Variants in PCP4L1 observed in about 807,000 individuals in gnomAD.
PCP4L1 encodes Purkinje cell protein 4-like protein 1.
In PCP4L1, 9 loss-of-function variants were observed where a neutral mutation model predicts 9.6. The ratio of observed to expected loss-of-function variants is 0.94; its 90% CI spans 0.57 to 1.64. PCP4L1 has a LOEUF of 1.64. Ranked by LOEUF, PCP4L1 falls within the 40% of genes most tolerant of loss-of-function variation. The probability of loss-of-function intolerance (pLI) is 0.00; values close to 1 mark genes in which losing one functional copy is unlikely to be tolerated. For synonymous variants in PCP4L1, 31 were observed against 28.2 expected (o/e 1.10, Z -0.31); for missense variants, 81 against 80.8 (o/e 1.00, Z -0.01).
chr1:161,278,060 C>T (rs1040039195), intron 1 of PCP4L1, among the ~76,000 whole-genome samples: 2 of 151,926 alleles, frequency 1.3e-5, no homozygotes, highest in Non-Finnish European at 2.9e-5. Context: ...GGTAATTATC[C>T]CCTCTCCTGT....
chr1:161,261,825 A>G (rs1669423505), intron 1 of PCP4L1, among the ~76,000 whole-genome samples: 1 of 152,126 alleles, frequency 6.6e-6, no homozygotes, highest in Non-Finnish European at 1.5e-5. Flanking sequence ...TAGAAATATC[A>G]TTTAGGGGAG....
intron 2 of PCP4L1, 54 bp from the exon 3 acceptor site, chr1:161,284,285 A>G: frequency 6.2e-7 from 1 of 1,610,964 alleles, no homozygotes; most frequent in Non-Finnish European, 8.5e-7. Flanking sequence ...GCCTGGAGAA[A>G]GGGTCTAGAG....
intron 1 of PCP4L1, among the ~76,000 whole-genome samples, chr1:161,261,280 G>A (rs1173198223): frequency 6.6e-6 from 1 of 152,212 alleles, no homozygotes; most frequent in Non-Finnish European, 1.5e-5. Context: ...AACCAGGGAG[G>A]AGTCTCCAGA....
intron 1 of PCP4L1, among the ~76,000 whole-genome samples, chr1:161,266,280 G>C (rs553041992): frequency 2.2e-4 from 34 of 152,214 alleles, no homozygotes; most frequent in Non-Finnish European, 4.3e-4. Flanking sequence ...TTTGTAGGCT[G>C]CAGCGGGGAT....
chr1:161,278,714 T>G (rs1355823738), intron 1 of PCP4L1, among the ~76,000 whole-genome samples: 1 of 152,224 alleles, frequency 6.6e-6, no homozygotes, highest in African/African-American at 2.4e-5. Flanking sequence ...ACACATATTC[T>G]GGCTATCTAC....
chr1:161,258,919 G>A lies in PCP4L1; in HGVS notation c.-56G>A. 1.3e-6 allele frequency: 2 copies of A among 1,535,084 alleles called. No individual in the cohort carries two copies. The highest frequency in any genetic ancestry group is 4.9e-5 in the East Asian group (2 of 40,856). ...CAGCTGTCGCCCGCGGAGCCCCGAGGGCCACTCGCCTCACCTGTGCGTGCA... is the reference window on the plus strand; with the variant it reads ...CAGCTGTCGCCCGCGGAGCCCCGAGAGCCACTCGCCTCACCTGTGCGTGCA... On this transcript the variant is annotated 5_prime_UTR_variant, in exon 1 of 3. Transcript: ENST00000504449.
chr1:161,267,985 T>A (rs1669556879), intron 1 of PCP4L1, among the ~76,000 whole-genome samples: 1 of 152,180 alleles, frequency 6.6e-6, no homozygotes, highest in Non-Finnish European at 1.5e-5. Flanking sequence ...ATTGTTGGAA[T>A]AACAGGCGTG....
At chr1:161,277,633 C>T (rs970980038) in intron 1 of PCP4L1, among the ~76,000 whole-genome samples, 3 of 152,134 alleles carry the variant, frequency 2.0e-5, no homozygotes, top group African/African-American at 7.2e-5. Flanking sequence ...GCCATTAACC[C>T]CCAATGTGCC....
chr1:161,268,048 C>T (rs1295306815), intron 1 of PCP4L1, among the ~76,000 whole-genome samples: 2 of 152,130 alleles, frequency 1.3e-5, no homozygotes, highest in Non-Finnish European at 2.9e-5. Flanking sequence ...AATAGACTTA[C>T]ACAATCATTT....
In PCP4L1 at chr1:161,258,798, C is replaced by T. The variant is rs1292452299; in HGVS notation, c.-177C>T. 3 of 1,036,240 alleles carry T rather than the reference C, an allele frequency of 2.9e-6. No homozygotes were observed. The highest frequency in any genetic ancestry group is 4.2e-6 in the Non-Finnish European group (3 of 706,038). The allele number at this position is 1,036,240 out of a possible 1,614,324, so 64.2% of individuals were successfully genotyped here. A position where few individuals can be genotyped will look rare whatever the true frequency, so the allele number is the denominator to read the frequency against. On this transcript the variant is annotated 5_prime_UTR_variant, in exon 1 of 3. Transcript: ENST00000504449. ...GGGTCGCCTGGCCGGAGCTGGGCTC[C>T]GAGAATCCCGGGTGCCAGCACCAGA... is the stretch of plus-strand genomic sequence containing the variant.
At chr1:161,269,291 C>T (rs1319876999) in intron 1 of PCP4L1, among the ~76,000 whole-genome samples, 1 of 152,050 alleles carries the variant, frequency 6.6e-6, no homozygotes, top group Admixed American at 6.6e-5. Flanking sequence ...ACCTGTAGTA[C>T]AGGTAATATG....
chr1:161,281,584 C>T (rs1186715703), intron 1 of PCP4L1, among the ~76,000 whole-genome samples: 16 of 151,348 alleles, frequency 1.1e-4, no homozygotes, highest in South Asian at 4.2e-4. Context: ...CCCTCCCGGA[C>T]GGGGCAGCTG....
chr1:161,273,248 A>G (rs1669649860), intron 1 of PCP4L1, among the ~76,000 whole-genome samples: 1 of 152,176 alleles, frequency 6.6e-6, no homozygotes, highest in Non-Finnish European at 1.5e-5. Context: ...TCTAGGGAAA[A>G]TAAATTAAGG....
At chr1:161,260,480 C>T (rs1022073838) in intron 1 of PCP4L1, among the ~76,000 whole-genome samples, 1 of 152,196 alleles carries the variant, frequency 6.6e-6, no homozygotes, top group Non-Finnish European at 1.5e-5. Flanking sequence ...CTACTCCTCC[C>T]ACCCCGAGCA....
intron 1 of PCP4L1, among the ~76,000 whole-genome samples, chr1:161,283,223 T>C (rs1445133246): frequency 6.6e-6 from 1 of 152,194 alleles, no homozygotes. Context: ...TCTATGAGCC[T>C]TACTTCCTCA....
chr1:161,285,419 A>G lies in PCP4L1; in HGVS notation c.*938A>G, dbSNP rs1669894372. 1 of 152,236 alleles carries G rather than the reference A, an allele frequency of 6.6e-6. No individual in the cohort carries two copies. The highest frequency in any genetic ancestry group is 2.1e-4 in the South Asian group (1 of 4,820). 9.4% of individuals were successfully genotyped at this position (152,236 alleles called of 1,614,324 possible). On this transcript the variant is annotated 3_prime_UTR_variant, in exon 3 of 3. Transcript: ENST00000504449. ...GCATGTTTAATCATTTTAACAATAAACCACCCCACAAATGGGGTCATTTAA... is the reference window on the plus strand; with the variant it reads ...GCATGTTTAATCATTTTAACAATAAGCCACCCCACAAATGGGGTCATTTAA...
intron 1 of PCP4L1, among the ~76,000 whole-genome samples, chr1:161,272,417 G>C (rs965769700): frequency 6.6e-6 from 1 of 151,708 alleles, no homozygotes; most frequent in African/African-American, 2.4e-5. Flanking sequence ...AATTAGCCAG[G>C]CATGGTGGTG....
Position 161,258,852 on chromosome 1 carries a change from T to C in PCP4L1, c.-123T>C. 4 of 1,421,172 alleles carry C rather than the reference T, an allele frequency of 2.8e-6. No homozygotes were observed. In the South Asian group the frequency reaches 4.9e-5, roughly 17 times the overall value. The allele number at this position is 1,421,172 out of a possible 1,614,324, so 88.0% of individuals were successfully genotyped here. On this transcript the variant is annotated 5_prime_UTR_variant, in exon 1 of 3. Transcript: ENST00000504449. ...GCGGCTCTCCGCACTAACTCTCCTC[T>C]CCTGGTCAGCTGTAACCCCTGCCGC...
chr1:161,274,264 A>G (rs1053595963), intron 1 of PCP4L1, among the ~76,000 whole-genome samples: 6 of 152,180 alleles, frequency 3.9e-5, no homozygotes, highest in African/African-American at 9.7e-5. Flanking sequence ...AGGATTTCCT[A>G]AACCATGTCA....
Sources: allele counts gnomAD v4.1 joint callset (sites outside exome capture counted in the v4.1 genomes callset), GRCh38; gene constraint gnomAD v4.1.1; transcripts MANE v1.5; gene names NCBI Gene and HGNC (gene_info 2026-07-23, HGNC 2026-07-21).